LAMA1: variants seen among roughly 807,000 people sequenced by gnomAD.
LAMA1 encodes the protein laminin subunit alpha-1.
Under a neutral mutation model 348.7 loss-of-function variants are expected in LAMA1, and 219 were observed. The ratio of observed to expected loss-of-function variants is 0.63; its 90% CI spans 0.56 to 0.70. LAMA1 has a LOEUF of 0.70. Ranked by LOEUF, LAMA1 falls within the 30% of genes least tolerant of loss-of-function variation. The probability of loss-of-function intolerance (pLI) is 0.00; values close to 1 mark genes in which losing one functional copy is unlikely to be tolerated. For missense variants in LAMA1, 3,744 were observed against 3,888.0 expected (o/e 0.96, Z 0.99); for synonymous variants, 1,487 against 1,491.0 (o/e 1.00, Z 0.06).
In LAMA1 at chr18:7,080,476, C is replaced by T. The variant is rs372394105; in HGVS notation, c.62-19G>A. ...AACAGGCCTGAAAGTGAAAATTTAC[C>T]AAATCAGCTGAGCCACTTGAAATCC... is the stretch of plus-strand genomic sequence containing the variant. On this transcript the variant is annotated intron_variant, in intron 1 of 62. Coordinates refer to ENST00000389658, the MANE Select transcript of LAMA1 (RefSeq NM_005559.4). 4.0e-5 allele frequency: 65 copies of T among 1,613,006 alleles called. No homozygotes were observed. The highest frequency in any genetic ancestry group is 5.2e-5 in the Non-Finnish European group (61 of 1,179,494).
intron 19 of LAMA1, among the ~76,000 whole-genome samples, chr18:7,019,309 T>G (rs2057904688): frequency 6.6e-6 from 1 of 152,098 alleles, no homozygotes; most frequent in Non-Finnish European, 1.5e-5. Flanking sequence ...TGCATCGCCC[T>G]CTTCCTGTGG....
chr18:7,042,506 C>G (rs1010511171), intron 8 of LAMA1: 9 of 412,770 alleles, frequency 2.2e-5, no homozygotes, highest in African/African-American at 8.2e-5. Flanking sequence ...TCCAGCCCCC[C>G]TCGCGCTGCT....
intron 30 of LAMA1, 100 bp from the exon 31 acceptor site, chr18:7,000,097 A>G (rs2057801069): frequency 2.3e-6 from 2 of 868,332 alleles, no homozygotes; most frequent in East Asian, 2.7e-5. Flanking sequence ...TACTGGTCTC[A>G]AAGTTATGTG....
intron 36 of LAMA1, among the ~76,000 whole-genome samples, chr18:6,992,070 T>C (rs1237108160): frequency 6.6e-6 from 1 of 152,226 alleles, no homozygotes; most frequent in African/African-American, 2.4e-5. Flanking sequence ...AAACTCCTTG[T>C]GACTGTATGT....
chr18:7,109,222 G>T (rs945149920), intron 1 of LAMA1, among the ~76,000 whole-genome samples: 11 of 152,156 alleles, frequency 7.2e-5, no homozygotes, highest in African/African-American at 2.7e-4. Context: ...CGGCTTTATG[G>T]TTGCTCAGGC....
chr18:6,986,037 C>T (rs762453807), intron 37 of LAMA1, 100 bp downstream of exon 37: 7 of 1,332,024 alleles, frequency 5.3e-6, no homozygotes, highest in East Asian at 2.3e-5. Context: ...GGATTACAAG[C>T]GTGAGCCACC....
intron 29 of LAMA1, among the ~76,000 whole-genome samples, chr18:7,004,772 TAGG>T (rs2057824786): frequency 1.3e-5 from 2 of 152,040 alleles, no homozygotes; most frequent in African/African-American, 4.8e-5. Context: ...GGGGAGTGCT[TAGG>T]AGATTATGTT....
chr18:7,061,525 G>A (rs917489508), intron 3 of LAMA1, among the ~76,000 whole-genome samples: 1 of 152,144 alleles, frequency 6.6e-6, no homozygotes, highest in Non-Finnish European at 1.5e-5. Flanking sequence ...AACTCCTAAC[G>A]ATTCCCTTGG....
At chr18:7,090,512 G>C (rs1325820538) in intron 1 of LAMA1, among the ~76,000 whole-genome samples, 1 of 152,000 alleles carries the variant, frequency 6.6e-6, no homozygotes, top group Non-Finnish European at 1.5e-5. Flanking sequence ...GCAAATTCTT[G>C]GTTTTTGGAC....
At chr18:6,984,838 A>C (rs1054174207) in intron 39 of LAMA1, among the ~76,000 whole-genome samples, 1 of 152,206 alleles carries the variant, frequency 6.6e-6, no homozygotes, top group Non-Finnish European at 1.5e-5. Context: ...CTCCAACCAA[A>C]TAATAAACTC....
chr18:6,954,997 A>G, intron 57 of LAMA1: 1 of 358,326 alleles, frequency 2.8e-6, no homozygotes, highest in Non-Finnish European at 5.4e-6. Flanking sequence ...GTTTGGGTAG[A>G]CAAAGACATC....
rs370865543 is a variant in LAMA1 at position 7,011,443 on chromosome 18, C to A, written c.3544G>T (p.Val1182Phe). The change falls in exon 25 of 63, where the codon GTT becomes TTT. Residue 1182 changes from valine (V) to phenylalanine (F), a missense_variant. Transcript: ENST00000389658. ...LGSDQPLLRV[V>F]SQSNLRGTTE... ...GTGCCCCTCAAGTTACTCTGAGAAA[C>A]CACACGCAGAAGAGGCTGATCGGAG... 26 of 1,608,640 alleles carry A rather than the reference C, an allele frequency of 1.6e-5. No homozygotes were observed. In the African/African-American group the frequency reaches 3.3e-4, roughly 21 times the overall value.
chr18:7,112,488 T>C (rs7230817), intron 1 of LAMA1, among the ~76,000 whole-genome samples: 17,066 of 151,900 alleles, frequency 0.11, 2,471 homozygotes, highest in African/African-American at 0.34. Context: ...ATCCAAAAAA[T>C]TAAAGCCAGT....
At chr18:7,092,838 G>A (rs750087383) in intron 1 of LAMA1, among the ~76,000 whole-genome samples, 1 of 151,908 alleles carries the variant, frequency 6.6e-6, no homozygotes, top group Non-Finnish European at 1.5e-5. Flanking sequence ...ATACAGACTC[G>A]TGGTTTCCCT....
Position 7,068,882 on chromosome 18 carries a change from TTTCAGCTTCAATA to T in LAMA1, c.345+11080_345+11092del, listed in dbSNP as rs1232972268. 4.6e-3 allele frequency among the ~76,000 whole-genome samples: 699 copies of T among 152,302 alleles called. 9 individuals carry two copies. Among genetic ancestry groups the T allele is most frequent in the African/African-American group, 0.016 (675 of 41,578 alleles). Reference sequence around the variant, plus strand: ...TGAGAAATTAAAACTTACCCCTTTTTTTCAGCTTCAATATAATGGAAGAAATAATTTCAGAACG... The same window carrying T: ...TGAGAAATTAAAACTTACCCCTTTTTTAATGGAAGAAATAATTTCAGAACG... On this transcript the variant is annotated intron_variant, in intron 3 of 62. Coordinates refer to ENST00000389658, the MANE Select transcript of LAMA1 (RefSeq NM_005559.4).
intron 42 of LAMA1, among the ~76,000 whole-genome samples, chr18:6,980,009 A>ACT (rs1171092953): frequency 1.3e-5 from 2 of 150,226 alleles, no homozygotes; most frequent in African/African-American, 5.0e-5. Flanking sequence ...CAATAAAATT[A>ACT]CTGTAGACCC....
At chr18:7,035,921 T>G (rs1309935981) in intron 13 of LAMA1, 66 bp downstream of exon 13, 2 of 1,361,848 alleles carry the variant, frequency 1.5e-6, no homozygotes, top group Non-Finnish European at 2.1e-6. Flanking sequence ...CTAGTAACTT[T>G]CAGTCATAAA....
intron 47 of LAMA1, among the ~76,000 whole-genome samples, chr18:6,972,557 T>C (rs2144030410): frequency 6.6e-6 from 1 of 152,340 alleles, no homozygotes; most frequent in Middle Eastern, 3.4e-3. Flanking sequence ...TCTCCATTTA[T>C]GCTACTGATG....
intron 27 of LAMA1, 119 bp from the exon 28 acceptor site, chr18:7,008,727 T>C (rs1415675091): frequency 8.6e-7 from 1 of 1,162,676 alleles, no homozygotes; most frequent in East Asian, 2.4e-5. Context: ...CTGTTTGGAG[T>C]AGTTCCTGCT....
Sources: allele counts gnomAD v4.1 joint callset (sites outside exome capture counted in the v4.1 genomes callset), GRCh38; gene constraint gnomAD v4.1.1; transcripts MANE v1.5; gene names NCBI Gene and HGNC (gene_info 2026-07-23, HGNC 2026-07-21).